Variants in GMNN observed in about 807,000 individuals in gnomAD.
GMNN encodes the protein geminin.
In GMNN, 14 loss-of-function variants were observed where a neutral mutation model predicts 20.9. The ratio of observed to expected loss-of-function variants is 0.67; its 90% CI spans 0.44 to 1.05. GMNN has a LOEUF of 1.05. GMNN is among the 50% of genes least tolerant of loss of function. The pLI, the probability that GMNN is intolerant of heterozygous loss-of-function variation, is 0.00. For missense variants in GMNN, 227 were observed against 243.8 expected, an observed-to-expected ratio of 0.93 and a Z score of 0.46; for synonymous variants, 81 against 85.8, an observed-to-expected ratio of 0.94 and a Z score of 0.31.
chr6:24,777,310 ATAACTT>A lies in GMNN; in HGVS notation c.51+17_51+22del. 3 of 1,070,696 alleles carry A rather than the reference ATAACTT, an allele frequency of 2.8e-6. No individual in the cohort carries two copies. The highest frequency in any genetic ancestry group is 4.1e-6 in the Non-Finnish European group (3 of 734,130). 66.3% of individuals were successfully genotyped at this position (1,070,696 alleles called of 1,614,324 possible). Reference sequence around the variant, plus strand: ...AGAGAATATAAAGGTATGTGATTGAATAACTTTAATTTTTTTTTGTAGAAAGCATGG... The same window carrying A: ...AGAGAATATAAAGGTATGTGATTGAATAATTTTTTTTTGTAGAAAGCATGG... On this transcript the variant is annotated intron_variant, in intron 2 of 6. Transcript: ENST00000230056.
At position 24,784,889 on chromosome 6, in the gene GMNN, A is replaced by AT. The variant is rs1231567998; in HGVS notation, c.468+341dup. Among the ~76,000 whole-genome samples, 4 of 152,168 alleles carry AT rather than the reference A, an allele frequency of 2.6e-5. No homozygotes were observed. In the East Asian group the frequency reaches 7.7e-4, roughly 29 times the overall value. ...TTATTGTTATGAAGCAAAAGACCATATTTTTTGGTAGAGTTATTAAAAGGA... is the reference window on the plus strand; with the variant it reads ...TTATTGTTATGAAGCAAAAGACCATATTTTTTTGGTAGAGTTATTAAAAGGA... On this transcript the variant is annotated intron_variant, in intron 6 of 6. Transcript: ENST00000230056.
rs974544169 is a variant in GMNN at position 24,774,965 on chromosome 6, G to C, written c.-305G>C. On this transcript the variant is annotated 5_prime_UTR_variant, in exon 1 of 7. Coordinates refer to ENST00000230056, the MANE Select transcript of GMNN (RefSeq NM_015895.5). The stretch of plus-strand genomic sequence containing the variant: ...AGTTGGTCACGTGGTTGTTCGGAGC[G>C]GGCGAGCGGAGTTAGCAGGGCTTTA... 2.0e-5 allele frequency: 3 copies of C among 152,296 alleles called. No individual in the cohort carries two copies. Among genetic ancestry groups the C allele is most frequent in the African/African-American group, 4.8e-5 (2 of 41,462 alleles). 9.4% of individuals were successfully genotyped at this position (152,296 alleles called of 1,614,324 possible). A position where few individuals can be genotyped will look rare whatever the true frequency, so the allele number is the denominator to read the frequency against.
chr6:24,782,684 TA>T (rs1780249060), intron 4 of GMNN, among the ~76,000 whole-genome samples: 1 of 152,216 alleles, frequency 6.6e-6, no homozygotes, highest in Non-Finnish European at 1.5e-5. Context: ...AAGGATTAGT[TA>T]AAATAAACTG....
chr6:24,781,386 G>T, intron 3 of GMNN, 91 bp from the exon 4 acceptor site: 2 of 765,254 alleles, frequency 2.6e-6, no homozygotes, highest in South Asian at 1.9e-5. Flanking sequence ...TTAGATATGC[G>T]TACTCTTTTT....
chr6:24,782,818 C>T (rs1328328182), intron 4 of GMNN, among the ~76,000 whole-genome samples: 2 of 151,878 alleles, frequency 1.3e-5, no homozygotes, highest in African/African-American at 4.8e-5. Context: ...GCGAAGAAAT[C>T]CCAAACTTTA....
In GMNN at chr6:24,785,989, T is replaced by G. The variant is rs1224465177; in HGVS notation, c.*190T>G. On this transcript the variant is annotated 3_prime_UTR_variant, in exon 7 of 7. Coordinates refer to ENST00000230056, the MANE Select transcript of GMNN (RefSeq NM_015895.5). ...TCTATGATGGTTTATGTGAATAGGA[T>G]TTTCTCAGTTGTCAGCCATGACTTA... The G allele has an allele frequency of 2.1e-6, 1 of 476,198 alleles. No homozygotes were observed. The highest frequency in any genetic ancestry group is 3.7e-6 in the Non-Finnish European group (1 of 273,482). The allele number at this position is 476,198 out of a possible 1,614,324, so 29.5% of individuals were successfully genotyped here.
chr6:24,779,275 C>T (rs900989169), intron 2 of GMNN, among the ~76,000 whole-genome samples: 2 of 152,026 alleles, frequency 1.3e-5, no homozygotes, highest in Non-Finnish European at 1.5e-5. Flanking sequence ...ACTCTATATA[C>T]AGAAAATAAT....
In GMNN at chr6:24,777,314, CTT is replaced by C. The variant is rs756197969; in HGVS notation, c.51+19_51+20del. 19 of 1,035,032 alleles carry C rather than the reference CTT, an allele frequency of 1.8e-5. No individual in the cohort carries two copies. In the African/African-American group the frequency reaches 3.0e-4, roughly 16 times the overall value. 64.1% of individuals were successfully genotyped at this position (1,035,032 alleles called of 1,614,324 possible). A position where few individuals can be genotyped will look rare whatever the true frequency, so the allele number is the denominator to read the frequency against. On this transcript the variant is annotated intron_variant, in intron 2 of 6. Transcript: ENST00000230056. Reference sequence around the variant, plus strand: ...AATATAAAGGTATGTGATTGAATAACTTTAATTTTTTTTTGTAGAAAGCATGG... The same window carrying C: ...AATATAAAGGTATGTGATTGAATAACTAATTTTTTTTTGTAGAAAGCATGG...
At chr6:24,777,004 AT>A (rs1463612497) in intron 1 of GMNN, 5 of 307,634 alleles carry the variant, frequency 1.6e-5, no homozygotes, top group Non-Finnish European at 3.0e-5. Context: ...CATTAATTTC[AT>A]TTTTTCAGCT....
chr6:24,777,180 C>G (rs1780094647), intron 1 of GMNN, 42 bp from the exon 2 acceptor site: 2 of 637,640 alleles, frequency 3.1e-6, no homozygotes, highest in South Asian at 2.2e-5. Flanking sequence ...AACCTAGACT[C>G]CACCTTCGGG....
At chr6:24,777,593 A>G (rs1337904711) in intron 2 of GMNN, 1 of 187,896 alleles carries the variant, frequency 5.3e-6, no homozygotes, top group African/African-American at 2.3e-5. Context: ...TTTTGAGGTT[A>G]CTGTGAATGG....
chr6:24,784,831 G>C (rs1311744554), intron 6 of GMNN, among the ~76,000 whole-genome samples: 1 of 152,112 alleles, frequency 6.6e-6, no homozygotes, highest in Non-Finnish European at 1.5e-5. Flanking sequence ...ATTGCAAGGA[G>C]TACTTGCACA....
At chr6:24,780,407 T>C (rs894756061) in intron 2 of GMNN, among the ~76,000 whole-genome samples, 1 of 152,244 alleles carries the variant, frequency 6.6e-6, no homozygotes, top group African/African-American at 2.4e-5. Flanking sequence ...TTGGGTAATA[T>C]GATTCATTCT....
intron 2 of GMNN, among the ~76,000 whole-genome samples, chr6:24,780,156 A>T (rs1780170260): frequency 6.6e-6 from 1 of 152,168 alleles, no homozygotes; most frequent in African/African-American, 2.4e-5. Context: ...TCATACCATA[A>T]ATGTTACGAT....
chr6:24,783,976 A>G, intron 4 of GMNN, 111 bp from the exon 5 acceptor site: 1 of 473,484 alleles, frequency 2.1e-6, no homozygotes, highest in Non-Finnish European at 3.9e-6. Flanking sequence ...TCTTTTAAAA[A>G]TGAGTATTAC....
intron 5 of GMNN, 54 bp downstream of exon 5, chr6:24,784,223 T>TGCTTA (rs1355447408): frequency 1.1e-6 from 1 of 949,356 alleles, no homozygotes; most frequent in East Asian, 2.4e-5. Context: ...ATTGTTTTGC[T>TGCTTA]GCTTAGCATA....
At position 24,784,483 on chromosome 6, in the gene GMNN, C is replaced by T. The variant is rs771371885; in HGVS notation, c.397C>T (p.Arg133Cys). Residue 133 changes from arginine (R) to cysteine (C), a missense_variant, in exon 6 of 7, where the codon CGC (arginine) becomes TGC (cysteine). Physicochemically the swap from Arg to Cys is radical, Grantham distance 180. Transcript: ENST00000230056. ...TGAACAAAAGGACAATGAAATTGCC[C>T]GCCTGAAAAAGGAGAATAAAGAACT... ...EIEQKDNEIA[R>C]LKKENKELAE... is the part of the protein sequence containing the mutation. 2.1e-5 allele frequency: 34 copies of T among 1,585,572 alleles called. No individual in the cohort carries two copies. Among genetic ancestry groups the T allele is most frequent in the Middle Eastern group, 1.7e-4 (1 of 6,028 alleles).
chr6:24,781,971 C>G (rs954799984), intron 4 of GMNN, among the ~76,000 whole-genome samples: 4 of 152,070 alleles, frequency 2.6e-5, no homozygotes, highest in African/African-American at 9.7e-5. Context: ...TTCCCAGCTA[C>G]TCAGGAGGCT....
At position 24,784,121 on chromosome 6, in the gene GMNN, A is replaced by T. The variant is rs1449150187; in HGVS notation, c.309A>T (p.Ala103=). The T allele has an allele frequency of 6.6e-7, 1 of 1,526,008 alleles. No homozygotes were observed. The highest frequency in any genetic ancestry group is 1.1e-5 in the South Asian group (1 of 88,074). The allele number at this position is 1,526,008 out of a possible 1,614,324, so 94.5% of individuals were successfully genotyped here. The part of the protein sequence containing the change: ...NPSSQYWKEV[A]EKRRKALYEA... ...CCTCTCAGTATTGGAAGGAAGTGGC[A>T]GAAAAACGGAGAAAGGCGCTGTATG... Residue 103 remains alanine (A), a synonymous_variant, in exon 5 of 7, where the codon GCA becomes GCT. Transcript: ENST00000230056.
Sources: allele counts gnomAD v4.1 joint callset (sites outside exome capture counted in the v4.1 genomes callset), GRCh38; gene constraint gnomAD v4.1.1; transcripts MANE v1.5; gene names NCBI Gene and HGNC (gene_info 2026-07-23, HGNC 2026-07-21).